Variants in ITGA8 observed in about 807,000 individuals in gnomAD.
ITGA8 encodes the protein integrin subunit alpha 8.
A neutral mutation model predicts 142.3 loss-of-function variants in ITGA8; 91 were observed. The observed-to-expected ratio is 0.64, with a 90% confidence interval of 0.54 to 0.76. The LOEUF (loss-of-function observed/expected upper bound fraction) is 0.76, where lower values mean the gene tolerates loss of function less well. ITGA8 is among the 30% of genes least tolerant of loss of function. ITGA8 has a pLI of 0.00. For missense variants in ITGA8, 1,406 were observed against 1,327.7 expected (o/e 1.06, Z -0.92); for synonymous variants, 505 against 485.2 (o/e 1.04, Z -0.54).
At chr10:15,655,253 T>C in intron 11 of ITGA8, 101 bp downstream of exon 11, 1 of 750,040 alleles carries the variant, frequency 1.3e-6, no homozygotes, top group Non-Finnish European at 2.2e-6. Flanking sequence ...AGCCTCTATC[T>C]TGTTGAGGCA....
chr10:15,577,415 C>T (rs922629572), intron 23 of ITGA8, among the ~76,000 whole-genome samples: 2 of 151,856 alleles, frequency 1.3e-5, no homozygotes, highest in Non-Finnish European at 2.9e-5. Context: ...TCCTAAGTAC[C>T]ATCTACTCTA....
intron 23 of ITGA8, among the ~76,000 whole-genome samples, chr10:15,584,205 G>T (rs1834470639): frequency 6.6e-6 from 1 of 152,152 alleles, no homozygotes; most frequent in Non-Finnish European, 1.5e-5. Flanking sequence ...GCTGAGGTAG[G>T]AGAATCACTC....
At chr10:15,691,676 AATG>A (rs1834936967) in intron 2 of ITGA8, among the ~76,000 whole-genome samples, 1 of 152,194 alleles carries the variant, frequency 6.6e-6, no homozygotes, top group African/African-American at 2.4e-5. Context: ...CAAACAGTAG[AATG>A]GTAGTTACCA....
Position 15,572,306 on chromosome 10 carries a change from C to T in ITGA8, c.2542G>A (p.Ala848Thr). 1 of 1,613,986 alleles carries T rather than the reference C, an allele frequency of 6.2e-7. No individual in the cohort carries two copies. The highest frequency in any genetic ancestry group is 8.5e-7 in the Non-Finnish European group (1 of 1,179,936). Reference sequence around the variant, plus strand: ...ATATAGAGAAGAAATTCATCCCGGGCAGAGAAAGGCCAGCCCACCTCCAGG... The same window carrying T: ...ATATAGAGAAGAAATTCATCCCGGGTAGAGAAAGGCCAGCCCACCTCCAGG... Reference protein sequence around the residue: ...TILEVGWPFSARDEFLLYIFH... With the variant: ...TILEVGWPFSTRDEFLLYIFH... Residue 848 changes from alanine to threonine, a missense_variant, in exon 25 of 30, where the codon GCC becomes ACC. Ala to Thr is a moderately conservative substitution (Grantham distance 58). Coordinates refer to ENST00000378076, the MANE Select transcript of ITGA8 (RefSeq NM_003638.3).
chr10:15,691,923 A>G (rs1834941292), intron 2 of ITGA8, among the ~76,000 whole-genome samples: 2 of 152,184 alleles, frequency 1.3e-5, no homozygotes, highest in African/African-American at 4.8e-5. Context: ...AAAACATTAC[A>G]TTGTACACGA....
intron 14 of ITGA8, among the ~76,000 whole-genome samples, chr10:15,614,677 A>G (rs953093501): frequency 2.6e-5 from 4 of 152,182 alleles, no homozygotes; most frequent in African/African-American, 9.6e-5. Context: ...GGAGAAATGA[A>G]GCCATGTTGG....
Position 15,646,916 on chromosome 10 carries a change from G to A in ITGA8, c.1137C>T (p.Gly379=), listed in dbSNP as rs150520827. The change falls in exon 12 of 30, where the codon GGC becomes GGT. Residue 379 remains glycine (G), a synonymous_variant. Transcript: ENST00000378076. The part of the protein sequence containing the change: ...LLFRDPQILT[G]TETFGRFGSA... ...TACCGAATCTCCCAAACGTCTCGGT[G>A]CCAGTGAGGATCTGGGGGTCTCTGA... 6.2e-7 allele frequency: 1 copy of A among 1,614,064 alleles called. No homozygotes were observed. Among genetic ancestry groups the A allele is most frequent in the Non-Finnish European group, 8.5e-7 (1 of 1,180,008 alleles).
At chr10:15,658,954 G>T (rs754728712) in intron 10 of ITGA8, 45 bp downstream of exon 10, 2 of 1,231,600 alleles carry the variant, frequency 1.6e-6, no homozygotes, top group African/African-American at 3.0e-5. Context: ...TAGTCTACTG[G>T]TAACCCAGAG....
chr10:15,675,635 C>G (rs182819576), intron 6 of ITGA8, among the ~76,000 whole-genome samples: 1 of 152,180 alleles, frequency 6.6e-6, no homozygotes, highest in East Asian at 1.9e-4. Flanking sequence ...TTTTCTGTAA[C>G]GCAGCCAGAA....
chr10:15,521,630 T>C (rs1833072495), intron 28 of ITGA8, among the ~76,000 whole-genome samples: 2 of 152,328 alleles, frequency 1.3e-5, no homozygotes, highest in South Asian at 4.1e-4. Context: ...CTATGCCTGT[T>C]AACTTTCCTC....
chr10:15,716,461 T>C (rs1382262951), intron 2 of ITGA8, among the ~76,000 whole-genome samples: 1 of 152,194 alleles, frequency 6.6e-6, no homozygotes, highest in Non-Finnish European at 1.5e-5. Flanking sequence ...TTTCTGGACA[T>C]TATTTTTCTG....
At chr10:15,692,745 A>G (rs1032672396) in intron 2 of ITGA8, among the ~76,000 whole-genome samples, 1 of 152,198 alleles carries the variant, frequency 6.6e-6, no homozygotes, top group Non-Finnish European at 1.5e-5. Flanking sequence ...ACTCAACCCA[A>G]TTATAACACA....
intron 26 of ITGA8, among the ~76,000 whole-genome samples, chr10:15,552,167 C>T (rs1485786015): frequency 6.6e-6 from 1 of 151,612 alleles, no homozygotes; most frequent in Non-Finnish European, 1.5e-5. Flanking sequence ...GACAGAGTCT[C>T]GCTCCGTCTC....
At chr10:15,610,594 C>T (rs1024898274) in intron 15 of ITGA8, among the ~76,000 whole-genome samples, 3 of 152,154 alleles carry the variant, frequency 2.0e-5, no homozygotes, top group African/African-American at 7.2e-5. Flanking sequence ...GGCCAGAAGG[C>T]AGGGTGATAC....
chr10:15,643,760 G>A (rs577008843), intron 13 of ITGA8, among the ~76,000 whole-genome samples: 49 of 152,350 alleles, frequency 3.2e-4, no homozygotes, highest in African/African-American at 1.2e-3. Context: ...AACTTGGGTT[G>A]TGAAGTTGAC....
chr10:15,565,388 T>C (rs1383489606), intron 25 of ITGA8, among the ~76,000 whole-genome samples: 1 of 151,458 alleles, frequency 6.6e-6, no homozygotes, highest in Non-Finnish European at 1.5e-5. Flanking sequence ...GTTCTGTTTT[T>C]TTCTGGGAGG....
intron 13 of ITGA8, among the ~76,000 whole-genome samples, chr10:15,637,500 T>G (rs1833791413): frequency 1.5e-5 from 2 of 134,918 alleles, no homozygotes; most frequent in South Asian, 4.5e-4. Context: ...CACAGACTCT[T>G]TAAATTTTTT....
At chr10:15,603,821 G>A (rs961104064) in intron 20 of ITGA8, among the ~76,000 whole-genome samples, 1 of 152,130 alleles carries the variant, frequency 6.6e-6, no homozygotes, top group Non-Finnish European at 1.5e-5. Context: ...AACCAATAAC[G>A]AAAACCAGGC....
At chr10:15,563,781 G>T (rs1444508109) in intron 25 of ITGA8, among the ~76,000 whole-genome samples, 3 of 152,090 alleles carry the variant, frequency 2.0e-5, no homozygotes, top group Non-Finnish European at 2.9e-5. Context: ...CAGGCTGGTG[G>T]TGGTGCACAC....
Sources: allele counts gnomAD v4.1 joint callset (sites outside exome capture counted in the v4.1 genomes callset), GRCh38; gene constraint gnomAD v4.1.1; transcripts MANE v1.5; gene names NCBI Gene and HGNC (gene_info 2026-07-23, HGNC 2026-07-21).